Variants in SOD2 observed in about 807,000 individuals in gnomAD.
The protein encoded by SOD2 is superoxide dismutase 2.
In SOD2, 11 loss-of-function variants were observed where a neutral mutation model predicts 27.0. That is an observed-to-expected ratio of 0.41 (90% CI 0.26 to 0.67). The LOEUF (loss-of-function observed/expected upper bound fraction) is 0.67. Among genes scored for constraint, SOD2 ranks in the 30% least tolerant of loss-of-function variants. The pLI is 0.34. For missense variants in SOD2, 250 were observed against 274.5 expected (o/e 0.91, Z 0.63); for synonymous variants, 105 against 103.0 (o/e 1.02, Z -0.12).
chr6:159,754,717 G>GA (rs374510963), intron 1 of SOD2, among the ~76,000 whole-genome samples: 1 of 151,828 alleles, frequency 6.6e-6, no homozygotes, highest in African/African-American at 2.4e-5. Flanking sequence ...ATAATGACAA[G>GA]AAAAAAAATC....
upstream of SOD2, among the ~76,000 whole-genome samples, chr6:159,696,684 C>T (rs1400254843): frequency 4.6e-5 from 7 of 152,122 alleles, no homozygotes; most frequent in Admixed American, 4.6e-4. Context: ...TTGCTGCTCA[C>T]TGGTCAAAAT....
intron 1 of SOD2, among the ~76,000 whole-genome samples, chr6:159,733,619 C>CAA (rs572744439): frequency 1.2e-4 from 13 of 112,388 alleles, no homozygotes; most frequent in South Asian, 2.7e-4. Context: ...GAGACTGTCT[C>CAA]AAAAAAAAAA....
At chr6:159,694,804 A>G (rs1159783372), upstream of SOD2, among the ~76,000 whole-genome samples, 3 of 147,274 alleles carry the variant, frequency 2.0e-5, no homozygotes, top group East Asian at 2.0e-4. Context: ...GGGTTTCACT[A>G]TGTTGGTCAG....
upstream of SOD2, chr6:159,727,563 TGCGGCGGGACTAGGAGC>T (rs1193173702): frequency 9.7e-5 from 96 of 988,126 alleles, no homozygotes; most frequent in East Asian, 8.3e-3. Flanking sequence ...GCGCAGGGGT[TGCGGCGGGACTAGGAGC>T]GCGGCGGGGC....
chr6:159,756,752 C>T (rs1048583529), intron 1 of SOD2, among the ~76,000 whole-genome samples: 84 of 152,130 alleles, frequency 5.5e-4, no homozygotes, highest in African/African-American at 2.0e-3. Flanking sequence ...TAGGCATATA[C>T]TACCACACCC....
chr6:159,755,739 T>G (rs1260248979), intron 1 of SOD2: 23 of 1,222,658 alleles, frequency 1.9e-5, no homozygotes, highest in East Asian at 3.1e-5. Context: ...TTTTGTTGTT[T>G]TTTTTCTTTG....
At chr6:159,731,970 TAAG>T (rs1778599971), upstream of SOD2, among the ~76,000 whole-genome samples, 1 of 152,178 alleles carries the variant, frequency 6.6e-6, no homozygotes, top group Non-Finnish European at 1.5e-5. Flanking sequence ...TACCTGTCTT[TAAG>T]AAGAGAGTAA....
intron 1 of SOD2, among the ~76,000 whole-genome samples, chr6:159,752,965 G>T (rs1388837204): frequency 6.6e-6 from 1 of 152,158 alleles, no homozygotes; most frequent in Non-Finnish European, 1.5e-5. Flanking sequence ...TCCTGTTAAG[G>T]AAAATCCTTA....
chr6:159,692,930 G>A lies in SOD2; in HGVS notation c.24-67C>T, dbSNP rs1316874152. The A allele has an allele frequency of 9.9e-6, 14 of 1,420,154 alleles. No individual in the cohort carries two copies. The East Asian group carries it at 2.6e-4, about 27-fold the overall frequency. 88.0% of individuals were successfully genotyped at this position (1,420,154 alleles called of 1,614,324 possible). On this transcript the variant is annotated intron_variant, in intron 1 of 4. Transcript: ENST00000538183. ...GACCGTCTACGCAGGCTGGGCTGCC[G>A]AGGAACGGCAGCGCGCGGCGTCCCC... is the stretch of plus-strand genomic sequence containing the variant.
At position 159,684,837 on chromosome 6, in the gene SOD2, C is replaced by T; in HGVS notation, c.523+17G>A. 1 of 1,594,114 alleles carries T rather than the reference C, an allele frequency of 6.3e-7. No individual in the cohort carries two copies. On this transcript the variant is annotated intron_variant, in intron 4 of 4. Transcript: ENST00000538183. The stretch of plus-strand genomic sequence containing the variant: ...AGAGCATCTCTCCCAAATGAAATCA[C>T]AATTTTTAAATCTAACCTGTTGTTC...
chr6:159,748,180 G>A (rs1779690590), upstream of SOD2: 1 of 1,612,374 alleles, frequency 6.2e-7, no homozygotes, highest in Non-Finnish European at 8.5e-7. This position sits in a 1 kb window ranked among gnomAD's most constrained non-coding sequence, Gnocchi z 5.6. Flanking sequence ...TGTTTCTTTT[G>A]CTTTGCACAG....
intron 3 of SOD2, among the ~76,000 whole-genome samples, chr6:159,686,473 T>C (rs1284638744): frequency 6.6e-6 from 1 of 151,514 alleles, no homozygotes; most frequent in Non-Finnish European, 1.5e-5. Flanking sequence ...ATGGAGAAAC[T>C]CCTCTCTACT....
chr6:159,707,327 A>G (rs907140526), intron 1 of SOD2, among the ~76,000 whole-genome samples: 6 of 152,356 alleles, frequency 3.9e-5, no homozygotes, highest in South Asian at 2.1e-4. Flanking sequence ...CAATGAATCC[A>G]GAAGCTGGTT....
chr6:159,735,758 A>T (rs114957551), intron 1 of SOD2, among the ~76,000 whole-genome samples: 9,393 of 152,176 alleles, frequency 0.062, 582 homozygotes, highest in African/African-American at 0.15. Context: ...CAAAAAAAAT[A>T]AAAATAAAAT....
In SOD2 at chr6:159,669,145, A is replaced by C. The variant is rs1266199891; in HGVS notation, c.*13348T>G. 1 of 152,220 alleles carries C rather than the reference A, an allele frequency of 6.6e-6. No homozygotes were observed. The highest frequency in any genetic ancestry group is 1.5e-5 in the Non-Finnish European group (1 of 68,034). The allele number at this position is 152,220 out of a possible 1,614,324, so 9.4% of individuals were successfully genotyped here. A position where few individuals can be genotyped will look rare whatever the true frequency, so the allele number is the denominator to read the frequency against. On this transcript the variant is annotated 3_prime_UTR_variant, in exon 5 of 5. Transcript: ENST00000538183. Reference sequence around the variant, plus strand: ...AAAAGCTTTCCCCCTACAACTAATAAGGTACAAATAAAAGGCGTTCTGTCG... The same window carrying C: ...AAAAGCTTTCCCCCTACAACTAATACGGTACAAATAAAAGGCGTTCTGTCG...
intron 1 of SOD2, among the ~76,000 whole-genome samples, chr6:159,732,922 A>C (rs1415899506): frequency 8.6e-6 from 1 of 116,408 alleles, no homozygotes; most frequent in Non-Finnish European, 1.7e-5. Context: ...TGTGTGTAAA[A>C]TTGATATTTA....
At chr6:159,692,222 G>A (rs146621157) in intron 2 of SOD2, 93 of 364,690 alleles carry the variant, frequency 2.6e-4, no homozygotes, top group African/African-American at 1.7e-3. Flanking sequence ...CCAGTGGACA[G>A]GCGCTCTCAG....
intron 1 of SOD2, among the ~76,000 whole-genome samples, chr6:159,706,274 C>A (rs546975257): frequency 6.6e-6 from 1 of 152,210 alleles, no homozygotes; most frequent in Admixed American, 6.5e-5. Context: ...ATAATATTAA[C>A]CTTAAATGTA....
chr6:159,719,197 T>C (rs1462697601), intron 1 of SOD2, among the ~76,000 whole-genome samples: 2 of 151,956 alleles, frequency 1.3e-5, no homozygotes, highest in Admixed American at 6.6e-5. Flanking sequence ...AGGGACCCCA[T>C]AGAGCTCTCT....
Sources: allele counts gnomAD v4.1 joint callset (sites outside exome capture counted in the v4.1 genomes callset), GRCh38; gene constraint gnomAD v4.1.1; non-coding constraint Gnocchi (gnomAD v3.1); transcripts MANE v1.5; gene names NCBI Gene and HGNC (gene_info 2026-07-23, HGNC 2026-07-21).